CERS6: variants seen among roughly 807,000 people sequenced by gnomAD.
CERS6 encodes ceramide synthase 6.
In CERS6, 26 loss-of-function variants were observed where a neutral mutation model predicts 56.8. The ratio of observed to expected loss-of-function variants is 0.46; its 90% confidence interval spans 0.34 to 0.63. CERS6 has a LOEUF of 0.63. Ranked by LOEUF, CERS6 falls within the 30% of genes least tolerant of loss-of-function variation. The pLI, the probability that CERS6 is intolerant of heterozygous loss-of-function variation, is 0.01. For missense variants in CERS6, 415 were observed against 467.5 expected (o/e 0.89, Z 1.04); for synonymous variants, 164 against 173.3 (o/e 0.95, Z 0.42).
intron 5 of CERS6, among the ~76,000 whole-genome samples, chr2:168,692,014 G>T (rs1686516721): frequency 6.6e-6 from 1 of 152,186 alleles, no homozygotes; most frequent in African/African-American, 2.4e-5. Context: ...TGTCATGGCA[G>T]AGGGTGGGGA....
At chr2:168,641,451 C>G (rs4668085) in intron 4 of CERS6, among the ~76,000 whole-genome samples, 141,499 of 152,166 alleles carry the variant, frequency 0.93, 66,158 homozygotes, top group Non-Finnish European at 0.98. Context: ...TCCCACTGCC[C>G]CACATATTCC....
intron 1 of CERS6, among the ~76,000 whole-genome samples, chr2:168,540,767 C>T (rs192986608): frequency 2.6e-5 from 4 of 152,212 alleles, no homozygotes; most frequent in Admixed American, 1.3e-4. Flanking sequence ...TATAGTGAGC[C>T]GTTTTGTCTG....
At chr2:168,526,453 T>C (rs571384855) in intron 1 of CERS6, among the ~76,000 whole-genome samples, 19 of 152,384 alleles carry the variant, frequency 1.2e-4, no homozygotes, top group Non-Finnish European at 2.5e-4. Context: ...CTTTAACTTA[T>C]TGATATGTTA....
At chr2:168,550,969 C>T (rs1005810683) in intron 2 of CERS6, among the ~76,000 whole-genome samples, 1 of 152,204 alleles carries the variant, frequency 6.6e-6, no homozygotes. Context: ...ACTGGGCAAC[C>T]ACACACACAT....
Position 168,609,974 on chromosome 2 carries a change from G to GTTTTTT in CERS6, c.408-20995_408-20990dup, listed in dbSNP as rs5836191. ...GGGAGTGAAGACAAAAGATGTGACT[G>GTTTTTT]TTTTTTTTTTTTTTTTTTTTTGAGA... is the stretch of plus-strand genomic sequence containing the variant. On this transcript the variant is annotated intron_variant, in intron 3 of 9. Transcript: ENST00000305747. 5.5e-4 allele frequency among the ~76,000 whole-genome samples: 52 copies of GTTTTTT among 93,820 alleles called. 1 individual carries two copies. The highest frequency in any genetic ancestry group is 7.3e-4 in the Non-Finnish European group (39 of 53,312). The allele number at this position is 93,820 out of a possible 152,430, so 61.5% of individuals were successfully genotyped here.
chr2:168,637,511 C>A (rs1436633293), intron 4 of CERS6, among the ~76,000 whole-genome samples: 1 of 151,652 alleles, frequency 6.6e-6, no homozygotes, highest in Non-Finnish European at 1.5e-5. Flanking sequence ...CACAGGAACA[C>A]TAAATATGGA....
At chr2:168,718,907 A>G (rs1421479792) in intron 8 of CERS6, among the ~76,000 whole-genome samples, 4 of 152,218 alleles carry the variant, frequency 2.6e-5, no homozygotes, top group African/African-American at 7.2e-5. Context: ...AGTCAGAAAA[A>G]GAATGTGAAG....
chr2:168,754,845 ACTC>A (rs1684372142), intron 8 of CERS6, among the ~76,000 whole-genome samples: 1 of 151,306 alleles, frequency 6.6e-6, no homozygotes, highest in Non-Finnish European at 1.5e-5. Flanking sequence ...GCAGCCTTGA[ACTC>A]CTGTGCTCAA....
intron 8 of CERS6, among the ~76,000 whole-genome samples, chr2:168,763,204 A>ATT (rs1197514149): frequency 7.6e-6 from 1 of 132,438 alleles, no homozygotes; most frequent in Non-Finnish European, 1.6e-5. Flanking sequence ...TTTATCTCTT[A>ATT]TTCCAGCTGC....
chr2:168,735,379 G>T lies in CERS6; in HGVS notation c.845+17401G>T, dbSNP rs551714077. The stretch of plus-strand genomic sequence containing the variant: ...AATTGTACCCATCTTAGTCATTTCT[G>T]CTTCCTAAAAATTTATACAAGAACA... On this transcript the variant is annotated intron_variant, in intron 8 of 9. Coordinates refer to ENST00000305747, the MANE Select transcript of CERS6 (RefSeq NM_203463.3). Among the ~76,000 whole-genome samples, 3 of 151,976 alleles carry T rather than the reference G, an allele frequency of 2.0e-5. No individual in the cohort carries two copies. In the South Asian group the frequency reaches 6.2e-4, roughly 32 times the overall value.
intron 1 of CERS6, among the ~76,000 whole-genome samples, chr2:168,511,696 A>T (rs2105350746): frequency 6.6e-6 from 1 of 152,262 alleles, no homozygotes; most frequent in East Asian, 1.9e-4. Flanking sequence ...GGAACTTCTC[A>T]ATTAATCCTG....
At chr2:168,568,059 A>G (rs1462412685) in intron 3 of CERS6, among the ~76,000 whole-genome samples, 1 of 152,224 alleles carries the variant, frequency 6.6e-6, no homozygotes, top group Non-Finnish European at 1.5e-5. Context: ...ACATTCCTTG[A>G]TGGCATATGG....
At chr2:168,549,134 C>T (rs1238937140) in intron 2 of CERS6, among the ~76,000 whole-genome samples, 2 of 151,960 alleles carry the variant, frequency 1.3e-5, no homozygotes, top group Non-Finnish European at 2.9e-5. Flanking sequence ...ACTCTAAGTA[C>T]ATTAAACATA....
chr2:168,586,896 C>A (rs1054606462), intron 3 of CERS6, among the ~76,000 whole-genome samples: 8 of 152,176 alleles, frequency 5.3e-5, no homozygotes, highest in Non-Finnish European at 8.8e-5. Flanking sequence ...TGAGGTCAGG[C>A]ATGGTGGCTC....
intron 1 of CERS6, among the ~76,000 whole-genome samples, chr2:168,520,186 T>A (rs1291892275): frequency 6.6e-6 from 1 of 152,202 alleles, no homozygotes; most frequent in African/African-American, 2.4e-5. Flanking sequence ...TGATTAGTGA[T>A]GTTGAACATT....
chr2:168,479,990 A>AT (rs1443396176), intron 1 of CERS6, among the ~76,000 whole-genome samples: 2 of 152,140 alleles, frequency 1.3e-5, no homozygotes, highest in Admixed American at 1.3e-4. Flanking sequence ...CATTTGTTAG[A>AT]GCTGTGATGC....
intron 6 of CERS6, among the ~76,000 whole-genome samples, chr2:168,696,631 G>A (rs897664267): frequency 3.9e-5 from 6 of 152,188 alleles, no homozygotes; most frequent in African/African-American, 1.4e-4. Flanking sequence ...GGCACCAGCA[G>A]ATTCAGTGTC....
intron 1 of CERS6, among the ~76,000 whole-genome samples, chr2:168,505,784 G>A (rs1694667184): frequency 6.6e-6 from 1 of 152,194 alleles, no homozygotes; most frequent in African/African-American, 2.4e-5. Context: ...TCTAGTGTCA[G>A]TCTGCTTTGG....
intron 2 of CERS6, among the ~76,000 whole-genome samples, chr2:168,558,719 A>T (rs1190450653): frequency 6.6e-6 from 1 of 152,172 alleles, no homozygotes; most frequent in Non-Finnish European, 1.5e-5. Flanking sequence ...AATACAAAAA[A>T]TTAGCAGGGT....
Sources: gnomAD v4.1 joint callset for allele counts (sites outside exome capture counted in the v4.1 genomes callset) on GRCh38, gnomAD v4.1.1 for gene constraint, MANE v1.5 for transcripts, NCBI Gene and HGNC (gene_info 2026-07-23, HGNC 2026-07-21) for gene names.